Variants in KIFAP3 observed in about 807,000 individuals in gnomAD.
The protein encoded by KIFAP3 is kinesin-associated protein 3.
A neutral mutation model predicts 106.5 loss-of-function variants in KIFAP3; 68 were observed. That is an observed-to-expected ratio of 0.64 (90% confidence interval 0.53 to 0.78). KIFAP3 has a LOEUF of 0.78. Ranked by LOEUF, KIFAP3 falls within the 30% of genes least tolerant of loss-of-function variation. The pLI is 0.00. For missense variants in KIFAP3, 780 were observed against 941.8 expected (o/e 0.83, Z 2.25); for synonymous variants, 320 against 311.5 (o/e 1.03, Z -0.29).
Position 169,984,695 on chromosome 1 carries a change from C to G in KIFAP3, c.1285-5G>C. ...TTCAAACAGCATCTTCATTAACTAG[C>G]AAGAAGCACAGGGCACATTTTACTC... On this transcript the variant is annotated splice_region_variant and splice_polypyrimidine_tract_variant and intron_variant, in intron 11 of 19. Transcript: ENST00000361580. The G allele has an allele frequency of 6.6e-7, 1 of 1,516,512 alleles. No individual in the cohort carries two copies. Among genetic ancestry groups the G allele is most frequent in the Non-Finnish European group, 9.1e-7 (1 of 1,096,744 alleles). The allele number at this position is 1,516,512 out of a possible 1,614,324, so 93.9% of individuals were successfully genotyped here.
chr1:169,964,877 T>C (rs1665524227), intron 17 of KIFAP3, among the ~76,000 whole-genome samples: 1 of 152,210 alleles, frequency 6.6e-6, no homozygotes, highest in South Asian at 2.1e-4. Context: ...TGTTGCCATA[T>C]GTGTGTCTGT....
At chr1:169,935,010 T>C (rs1258802298) in intron 19 of KIFAP3, among the ~76,000 whole-genome samples, 1 of 152,116 alleles carries the variant, frequency 6.6e-6, no homozygotes. Flanking sequence ...AAAACATTTT[T>C]AAAAATACTT....
chr1:169,966,329 A>G (rs1327006269), intron 17 of KIFAP3, among the ~76,000 whole-genome samples: 2 of 151,754 alleles, frequency 1.3e-5, no homozygotes, highest in Non-Finnish European at 1.5e-5. Context: ...TATATCTTGC[A>G]AAAGATCCAA....
At chr1:169,982,226 T>C in intron 14 of KIFAP3, 129 bp from the exon 15 acceptor site, 1 of 973,578 alleles carries the variant, frequency 1.0e-6, no homozygotes, top group Non-Finnish European at 1.5e-6. Flanking sequence ...ATCCTTGATA[T>C]GCTATAAATT....
intron 1 of KIFAP3, among the ~76,000 whole-genome samples, chr1:170,062,215 C>CAAAAAAA (rs112112967): frequency 1.2e-5 from 1 of 85,296 alleles, no homozygotes; most frequent in Non-Finnish European, 2.6e-5. Context: ...GAGATACCAT[C>CAAAAAAA]AAAAAAAAAA....
At chr1:169,994,638 T>C (rs1273595475) in intron 10 of KIFAP3, among the ~76,000 whole-genome samples, 1 of 152,096 alleles carries the variant, frequency 6.6e-6, no homozygotes, top group African/African-American at 2.4e-5. Flanking sequence ...ATAAATTCAC[T>C]AATTCAACTA....
In KIFAP3 at chr1:170,083,633, A is replaced by G. The variant is rs952083844; in HGVS notation, n.174+1402T>C. Among the ~76,000 whole-genome samples the G allele has an allele frequency of 3.9e-5, 6 of 152,198 alleles. No homozygotes were observed. The East Asian group carries it at 9.6e-4, about 24-fold the overall frequency. ...GTGTATTTATCACATTAAGGGCAGC[A>G]ATTGATATTAGCTGGACCAGGTGTT... On this transcript the variant is annotated intron_variant and non_coding_transcript_variant, in intron 1 of 5. Coordinates refer to the KIFAP3 transcript ENST00000490550.
chr1:170,025,765 C>T (rs1669071609), intron 8 of KIFAP3, among the ~76,000 whole-genome samples: 2 of 152,144 alleles, frequency 1.3e-5, no homozygotes, highest in South Asian at 4.1e-4. Flanking sequence ...CATATATTTA[C>T]ACTATTACAT....
At chr1:169,980,824 G>A (rs939302961) in intron 15 of KIFAP3, among the ~76,000 whole-genome samples, 11 of 152,098 alleles carry the variant, frequency 7.2e-5, no homozygotes, top group Admixed American at 2.6e-4. Flanking sequence ...TGATATAGCC[G>A]GGCACAGTGG....
At chr1:169,946,559 C>A (rs374679042) in intron 19 of KIFAP3, among the ~76,000 whole-genome samples, 20 of 151,964 alleles carry the variant, frequency 1.3e-4, no homozygotes, top group African/African-American at 4.3e-4. Flanking sequence ...AGCTTAAAGG[C>A]TTCACTATTA....
At chr1:169,952,208 A>C (rs1664764731) in intron 19 of KIFAP3, among the ~76,000 whole-genome samples, 1 of 151,978 alleles carries the variant, frequency 6.6e-6, no homozygotes, top group South Asian at 2.1e-4. Context: ...TTTAAAGTAC[A>C]CTACAGAACA....
chr1:170,037,632 G>T (rs1669756725), intron 5 of KIFAP3, among the ~76,000 whole-genome samples: 1 of 151,926 alleles, frequency 6.6e-6, no homozygotes, highest in Admixed American at 6.6e-5. Context: ...AGCTACTCAG[G>T]AGGCTGAGGT....
At chr1:169,984,549 C>A in intron 12 of KIFAP3, 33 bp downstream of exon 12, 1 of 1,015,980 alleles carries the variant, frequency 9.8e-7, no homozygotes, top group South Asian at 1.4e-5. Context: ...ATACCATATG[C>A]TAAAAAAGTT....
chr1:169,986,899 T>C (rs1666855620), intron 11 of KIFAP3, among the ~76,000 whole-genome samples: 1 of 152,058 alleles, frequency 6.6e-6, no homozygotes, highest in South Asian at 2.1e-4. Flanking sequence ...GTAATTTCCA[T>C]ATTAAATTCT....
intron 14 of KIFAP3, 55 bp downstream of exon 14, chr1:169,982,647 A>G (rs916513941): frequency 8.9e-6 from 11 of 1,242,218 alleles, no homozygotes; most frequent in East Asian, 2.6e-5. Context: ...AGCCTTATCC[A>G]TAACAGAAAG....
chr1:169,975,322 C>T (rs1009019562), intron 16 of KIFAP3, among the ~76,000 whole-genome samples: 10 of 151,980 alleles, frequency 6.6e-5, no homozygotes, highest in African/African-American at 2.4e-4. Flanking sequence ...AATAAGTCTA[C>T]ACTAGCTATC....
intron 19 of KIFAP3, among the ~76,000 whole-genome samples, chr1:169,940,214 T>C (rs1286741123): frequency 6.6e-6 from 1 of 152,200 alleles, no homozygotes; most frequent in Non-Finnish European, 1.5e-5. Flanking sequence ...CTGGGGTAAG[T>C]TGCTTAAACC....
At chr1:169,926,447 C>T (rs1011532786) in intron 19 of KIFAP3, among the ~76,000 whole-genome samples, 1 of 152,086 alleles carries the variant, frequency 6.6e-6, no homozygotes, top group Non-Finnish European at 1.5e-5. Flanking sequence ...GAAACCAGTA[C>T]AGAATAAAAG....
At chr1:169,953,254 CT>C (rs1030485965) in intron 19 of KIFAP3, among the ~76,000 whole-genome samples, 5 of 151,220 alleles carry the variant, frequency 3.3e-5, no homozygotes, top group Non-Finnish European at 3.0e-5. Context: ...ACTGGCCTGA[CT>C]TTTTTTTTCT....
Sources: gnomAD v4.1 joint callset for allele counts (sites outside exome capture counted in the v4.1 genomes callset) on GRCh38, gnomAD v4.1.1 for gene constraint, MANE v1.5 for transcripts, NCBI Gene and HGNC (gene_info 2026-07-23, HGNC 2026-07-21) for gene names.